The following PRKN variants were observed in gnomAD, a reference collection of about 807,000 sequenced individuals.
PRKN encodes the protein E3 ubiquitin-protein ligase parkin.
In PRKN, 56 loss-of-function variants were observed where a neutral mutation model predicts 59.5. That is an observed-to-expected ratio of 0.94 (90% CI 0.76 to 1.18). The LOEUF (loss-of-function observed/expected upper bound fraction) is 1.18. Ranked by LOEUF, PRKN falls within the 50% of genes most tolerant of loss-of-function variation. PRKN has a pLI of 0.00. For missense variants in PRKN, 657 were observed against 596.4 expected (o/e 1.10, Z -1.06); for synonymous variants, 250 against 222.1 (o/e 1.13, Z -1.12).
intron 1 of PRKN, among the ~76,000 whole-genome samples, chr6:162,620,727 A>AATTTTTGT (rs57452650): frequency 0.53 from 80,695 of 151,572 alleles, 22,244 homozygotes; most frequent in African/African-American, 0.64. Flanking sequence ...TATTCTTTTT[A>AATTTTTGT]ATTTTTAATA....
intron 6 of PRKN, among the ~76,000 whole-genome samples, chr6:161,799,532 T>C (rs1384040034): frequency 1.3e-5 from 2 of 152,046 alleles, no homozygotes; most frequent in East Asian, 1.9e-4. Context: ...TTCCACATAA[T>C]GGAAAGGAAA....
intron 6 of PRKN, among the ~76,000 whole-genome samples, chr6:161,918,695 C>T (rs573462727): frequency 6.6e-6 from 1 of 152,168 alleles, no homozygotes; most frequent in Admixed American, 6.5e-5. Flanking sequence ...CTTCTATGCA[C>T]GGGAAAACAA....
At chr6:161,726,437 T>C (rs531686313) in intron 7 of PRKN, among the ~76,000 whole-genome samples, 1 of 152,350 alleles carries the variant, frequency 6.6e-6, no homozygotes, top group Non-Finnish European at 1.5e-5. Flanking sequence ...ATCCGGCACA[T>C]GGCAGGTGCT....
At chr6:162,417,889 G>C (rs981008674) in intron 2 of PRKN, among the ~76,000 whole-genome samples, 1 of 152,096 alleles carries the variant, frequency 6.6e-6, no homozygotes, top group African/African-American at 2.4e-5. Context: ...AATACTCCAT[G>C]AACTCTTGAT....
intron 4 of PRKN, among the ~76,000 whole-genome samples, chr6:162,092,922 G>A (rs939316625): frequency 3.3e-5 from 5 of 152,200 alleles, no homozygotes; most frequent in African/African-American, 9.7e-5. Flanking sequence ...TGTGCACACT[G>A]CAGAAACGTC....
intron 6 of PRKN, among the ~76,000 whole-genome samples, chr6:161,962,213 G>C (rs1487081054): frequency 1.3e-5 from 2 of 152,162 alleles, no homozygotes; most frequent in Non-Finnish European, 2.9e-5. Flanking sequence ...GATGTTTATA[G>C]AGGGCAAGGT....
chr6:162,452,082 C>A (rs1790654035), intron 1 of PRKN, among the ~76,000 whole-genome samples: 1 of 151,808 alleles, frequency 6.6e-6, no homozygotes, highest in Non-Finnish European at 1.5e-5. Context: ...AGTGACGGCA[C>A]AATATTACAG....
chr6:161,713,105 G>T (rs1379388409), intron 7 of PRKN, among the ~76,000 whole-genome samples: 1 of 152,114 alleles, frequency 6.6e-6, no homozygotes, highest in African/African-American at 2.4e-5. Flanking sequence ...AGATTAATTT[G>T]CTGGAACAGT....
rs189715497 is a variant in PRKN at position 162,302,700 on chromosome 6, A to T, written c.172-39935T>A. On this transcript the variant is annotated intron_variant, in intron 2 of 11. Coordinates refer to ENST00000366898, the MANE Select transcript of PRKN (RefSeq NM_004562.3). ...TTGTGGCACTCCAAACACAGAACAC[A>T]TCTATCTATGTTATGCCAAAACTTC... Among the ~76,000 whole-genome samples the T allele has an allele frequency of 2.8e-3, 421 of 152,102 alleles. 7 individuals are homozygous for T. Among genetic ancestry groups the T allele is most frequent in the African/African-American group, 9.8e-3 (407 of 41,474 alleles).
chr6:162,439,452 T>C (rs1330201986), intron 2 of PRKN, among the ~76,000 whole-genome samples: 1 of 151,802 alleles, frequency 6.6e-6, no homozygotes, highest in Non-Finnish European at 1.5e-5. Context: ...GCTTCTTCAG[T>C]TCCACATCTG....
intron 6 of PRKN, among the ~76,000 whole-genome samples, chr6:161,817,565 C>T (rs1791841365): frequency 1.3e-5 from 2 of 152,200 alleles, no homozygotes; most frequent in South Asian, 4.1e-4. Flanking sequence ...AACATCCTTA[C>T]ATGGTAAAAT....
intron 7 of PRKN, among the ~76,000 whole-genome samples, chr6:161,703,003 C>A (rs4708922): frequency 0.84 from 125,093 of 148,604 alleles, 52,456 homozygotes; most frequent in Middle Eastern, 0.88. Flanking sequence ...AATATATAAA[C>A]AATGAAAACC....
intron 9 of PRKN, among the ~76,000 whole-genome samples, chr6:161,528,041 T>G (rs1379877770): frequency 6.6e-6 from 1 of 152,250 alleles, no homozygotes; most frequent in Non-Finnish European, 1.5e-5. Context: ...TAGAAATCTT[T>G]TCTTCCTTCA....
At chr6:162,228,204 G>A (rs888497195) in intron 3 of PRKN, among the ~76,000 whole-genome samples, 1 of 152,152 alleles carries the variant, frequency 6.6e-6, no homozygotes, top group African/African-American at 2.4e-5. Flanking sequence ...AGAGAGACGT[G>A]TTTCAACTGA....
At chr6:162,282,958 T>C (rs1583312340) in intron 2 of PRKN, among the ~76,000 whole-genome samples, 2 of 152,226 alleles carry the variant, frequency 1.3e-5, no homozygotes, top group East Asian at 3.9e-4. Context: ...ACTCATTTAA[T>C]TCCTGATAAG....
chr6:161,787,868 C>T (rs1790485370), intron 6 of PRKN, among the ~76,000 whole-genome samples: 2 of 152,142 alleles, frequency 1.3e-5, no homozygotes, highest in South Asian at 2.1e-4. Context: ...ATGGCATGAA[C>T]GCGGGAGCTT....
At chr6:161,603,333 T>A (rs559032010) in intron 7 of PRKN, among the ~76,000 whole-genome samples, 103 of 152,352 alleles carry the variant, frequency 6.8e-4, no homozygotes, top group African/African-American at 2.3e-3. Flanking sequence ...GCAGTCAACT[T>A]GGAATTAGTT....
At chr6:162,055,229 A>T (rs1042683035) in intron 4 of PRKN, among the ~76,000 whole-genome samples, 2 of 152,178 alleles carry the variant, frequency 1.3e-5, no homozygotes, top group African/African-American at 2.4e-5. Flanking sequence ...GGCACAGGGG[A>T]TCAGGAGCAG....
chr6:162,579,032 C>CA (rs1562403077), intron 1 of PRKN, among the ~76,000 whole-genome samples: 1 of 152,110 alleles, frequency 6.6e-6, no homozygotes, highest in Non-Finnish European at 1.5e-5. Context: ...CATCAGTCTA[C>CA]AAAACAATTT....
Sources: gnomAD v4.1 joint callset for allele counts (sites outside exome capture counted in the v4.1 genomes callset) on GRCh38, gnomAD v4.1.1 for gene constraint, MANE v1.5 for transcripts, NCBI Gene and HGNC (gene_info 2026-07-23, HGNC 2026-07-21) for gene names.